SRGAP2: variants seen among roughly 807,000 people sequenced by gnomAD.
The protein encoded by SRGAP2 is SLIT-ROBO Rho GTPase-activating protein 2.
A neutral mutation model predicts 57.2 loss-of-function variants in SRGAP2; 15 were observed. That is an observed-to-expected ratio of 0.26 (90% CI 0.18 to 0.40). The LOEUF (loss-of-function observed/expected upper bound fraction) is 0.40, where lower values mean the gene tolerates loss of function less well. SRGAP2 is among the 10% of genes least tolerant of loss of function. The pLI is 1.00. For missense variants in SRGAP2, 520 were observed against 669.6 expected (o/e 0.78, Z 2.47); for synonymous variants, 249 against 248.0 (o/e 1.00, Z -0.04).
intron 19 of SRGAP2, among the ~76,000 whole-genome samples, chr1:206,451,401 C>T (rs916921858): frequency 6.6e-6 from 1 of 152,100 alleles, no homozygotes; most frequent in South Asian, 2.1e-4. Context: ...ACATTTCCCC[C>T]GCTTCCAACA....
In SRGAP2 at chr1:206,421,243, G is replaced by A. The variant is rs1553364210; in HGVS notation, c.1470-7G>A. On this transcript the variant is annotated splice_region_variant and splice_polypyrimidine_tract_variant and intron_variant, in intron 12 of 22. Coordinates refer to ENST00000573034, the MANE Select transcript of SRGAP2 (RefSeq NM_015326.5). ...GGTCCAATCTGATTCGGCGGGATTG[G>A]TCACAGGCGCAGCTCAACTGTGAGG... The A allele has an allele frequency of 3.9e-6, 3 of 778,148 alleles. No individual in the cohort carries two copies. The highest frequency in any genetic ancestry group is 7.2e-6 in the Non-Finnish European group (3 of 416,806). The allele number at this position is 778,148 out of a possible 1,614,324, so 48.2% of individuals were successfully genotyped here.
At chr1:206,357,908 C>G (rs1474207972) in intron 4 of SRGAP2, among the ~76,000 whole-genome samples, 2 of 146,822 alleles carry the variant, frequency 1.4e-5, no homozygotes, top group Non-Finnish European at 3.0e-5. Context: ...TTGACTCTCC[C>G]CTGGACTATG....
At chr1:206,217,539 AATAATG>A (rs1431834964) in intron 2 of SRGAP2, among the ~76,000 whole-genome samples, 3 of 152,106 alleles carry the variant, frequency 2.0e-5, no homozygotes, top group Non-Finnish European at 4.4e-5. Flanking sequence ...TGGCCCTTAT[AATAATG>A]ATGATGATGA....
At position 206,267,287 on chromosome 1, in the gene SRGAP2, G is replaced by A. The variant is rs1443387397; in HGVS notation, c.68-35994G>A. The stretch of plus-strand genomic sequence containing the variant: ...CCGGCCACTTTCAAACATTCATGGC[G>A]CTAGAGGCTCAAAATTTAGGACCTG... On this transcript the variant is annotated intron_variant, in intron 2 of 22. Transcript: ENST00000573034. Among the ~76,000 whole-genome samples, 5 of 152,270 alleles carry A rather than the reference G, an allele frequency of 3.3e-5. No individual in the cohort carries two copies. In the East Asian group the frequency reaches 5.8e-4, roughly 18 times the overall value.
At chr1:206,293,037 T>TCTC (rs1200338114) in intron 2 of SRGAP2, among the ~76,000 whole-genome samples, 1 of 152,208 alleles carries the variant, frequency 6.6e-6, no homozygotes, top group Non-Finnish European at 1.5e-5. Context: ...TGAAGTAAAC[T>TCTC]CTCCAGAGCC....
chr1:206,450,244 G>A (rs576720117), intron 18 of SRGAP2, 142 bp from the exon 19 acceptor site: 2 of 589,666 alleles, frequency 3.4e-6, no homozygotes, highest in African/African-American at 3.7e-5. Context: ...TTCATTATAA[G>A]CATTTGTCTA....
intron 3 of SRGAP2, among the ~76,000 whole-genome samples, chr1:206,337,891 C>T (rs1350523586): frequency 6.6e-6 from 1 of 150,890 alleles, no homozygotes; most frequent in Non-Finnish European, 1.5e-5. Context: ...CTTGGCTCTT[C>T]ACCATGGATA....
At chr1:206,417,884 C>G (rs960032247) in intron 11 of SRGAP2, among the ~76,000 whole-genome samples, 6 of 151,638 alleles carry the variant, frequency 4.0e-5, no homozygotes, top group Non-Finnish European at 8.8e-5. Flanking sequence ...TCACATCACT[C>G]CATGGAGAAT....
At position 206,454,129 on chromosome 1, in the gene SRGAP2, T is replaced by C. The variant is rs782006265; in HGVS notation, c.2360+749T>C. The C allele has an allele frequency of 8.5e-6, 6 of 702,370 alleles. No homozygotes were observed. Among genetic ancestry groups the C allele is most frequent in the South Asian group, 7.4e-5 (5 of 67,582 alleles). The allele number at this position is 702,370 out of a possible 1,614,324, so 43.5% of individuals were successfully genotyped here. ...TCAGTGTTTTTAGTCCTTCCCTTAA[T>C]ATTATTTTTTAAAGGTTGATATCCT... On this transcript the variant is annotated intron_variant, in intron 20 of 22. Transcript: ENST00000573034. The surrounding 1 kb of genome is among the most constrained non-coding windows in gnomAD (Gnocchi z 4.3).
At chr1:206,457,720 C>A (rs1663954016) in intron 21 of SRGAP2, among the ~76,000 whole-genome samples, 1 of 152,216 alleles carries the variant, frequency 6.6e-6, no homozygotes, top group African/African-American at 2.4e-5. Context: ...CTGTCCCCAC[C>A]TCACAGACCA....
intron 1 of SRGAP2, chr1:206,204,907 G>GCCCCC (rs370784257): frequency 3.2e-5 from 3 of 95,136 alleles, no homozygotes; most frequent in Admixed American, 9.6e-5. Flanking sequence ...CTGCAGATTT[G>GCCCCC]CCCCCCCCCC....
At chr1:206,426,796 A>AT (rs1258928705) in intron 13 of SRGAP2, among the ~76,000 whole-genome samples, 2 of 152,104 alleles carry the variant, frequency 1.3e-5, no homozygotes, top group African/African-American at 4.8e-5. Flanking sequence ...TCATTTGCCC[A>AT]TTTTTTAATC....
intron 2 of SRGAP2, among the ~76,000 whole-genome samples, chr1:206,229,490 T>C (rs1303616352): frequency 2.0e-5 from 3 of 152,350 alleles, no homozygotes; most frequent in African/African-American, 7.2e-5. Context: ...GTGCCGCAAC[T>C]GAGCAGCTCC....
chr1:206,383,574 G>A (rs1285110706), intron 4 of SRGAP2, among the ~76,000 whole-genome samples: 1 of 151,842 alleles, frequency 6.6e-6, no homozygotes, highest in African/African-American at 2.4e-5. Context: ...ATTTAGTTAG[G>A]GACTTTGAAG....
At chr1:206,309,122 C>T (rs1364248416) in intron 3 of SRGAP2, among the ~76,000 whole-genome samples, 1 of 144,128 alleles carries the variant, frequency 6.9e-6, no homozygotes, top group Non-Finnish European at 1.5e-5. Flanking sequence ...GCTATGACTG[C>T]ACCGCTGCAC....
chr1:206,372,979 TTCTTTCTTTCTTTC>T (rs1654787358), intron 4 of SRGAP2, among the ~76,000 whole-genome samples: 3 of 79,718 alleles, frequency 3.8e-5, no homozygotes, highest in Admixed American at 1.3e-4. Flanking sequence ...CTTTCTTTCT[TTCTTTCTTTCTTTC>T]TTTCTTTCTT....
chr1:206,371,112 A>T (rs1654511562), intron 4 of SRGAP2, among the ~76,000 whole-genome samples: 1 of 136,892 alleles, frequency 7.3e-6, no homozygotes, highest in East Asian at 2.0e-4. Context: ...AGCCCCAAAC[A>T]GGAGAAATAC....
Position 206,419,368 on chromosome 1 carries a change from A to T in SRGAP2, c.1442-5A>T. 3.8e-6 allele frequency: 3 copies of T among 780,734 alleles called. No homozygotes were observed. The highest frequency in any genetic ancestry group is 7.2e-6 in the Non-Finnish European group (3 of 417,908). 48.4% of individuals were successfully genotyped at this position (780,734 alleles called of 1,614,324 possible). ...TAATGCTTTTTGCCTTTGTGTTTCCAACAGGTCAGCGGACAGATTGCAGTC... is the reference window on the plus strand; with the variant it reads ...TAATGCTTTTTGCCTTTGTGTTTCCTACAGGTCAGCGGACAGATTGCAGTC... On this transcript the variant is annotated splice_polypyrimidine_tract_variant and splice_region_variant and intron_variant, in intron 11 of 22. Coordinates refer to ENST00000573034, the MANE Select transcript of SRGAP2 (RefSeq NM_015326.5).
chr1:206,425,652 G>T (rs562471630), intron 13 of SRGAP2, among the ~76,000 whole-genome samples: 1 of 151,810 alleles, frequency 6.6e-6, no homozygotes, highest in African/African-American at 2.4e-5. Flanking sequence ...CTCATGCCTC[G>T]ACCTCCCAAG....
Sources: gnomAD v4.1 joint callset for allele counts (sites outside exome capture counted in the v4.1 genomes callset) on GRCh38, gnomAD v4.1.1 for gene constraint, Gnocchi (gnomAD v3.1) non-coding constraint, MANE v1.5 for transcripts, NCBI Gene and HGNC (gene_info 2026-07-23, HGNC 2026-07-21) for gene names.